The following POLR2B variants were observed in gnomAD, a reference collection of about 807,000 sequenced individuals.
POLR2B encodes the protein DNA-directed RNA polymerase II subunit RPB2.
POLR2B carries 57 observed loss-of-function variants against 144.6 expected under a neutral mutation model. That is an observed-to-expected ratio of 0.39 (90% confidence interval 0.32 to 0.49). The LOEUF is 0.49. POLR2B is among the 20% of genes least tolerant of loss of function. The probability of loss-of-function intolerance (pLI) is 0.83; values close to 1 mark genes in which losing one functional copy is unlikely to be tolerated. For synonymous variants in POLR2B, 442 were observed against 469.8 expected, an observed-to-expected ratio of 0.94 and a Z score of 0.77; for missense variants, 595 against 1,467.4, an observed-to-expected ratio of 0.41 and a Z score of 9.71.
intron 2 of POLR2B, 197 bp downstream of exon 2, chr4:56,986,623 G>T: frequency 2.3e-6 from 1 of 432,850 alleles, no homozygotes; most frequent in Non-Finnish European, 4.1e-6. Flanking sequence ...TTCCGAAAAT[G>T]TTACCCTGTA....
chr4:57,022,288 C>A, intron 18 of POLR2B, 42 bp downstream of exon 18: 2 of 1,291,270 alleles, frequency 1.5e-6, no homozygotes, highest in Non-Finnish European at 2.2e-6. Flanking sequence ...CCAAAGTTAA[C>A]TTACTGTGGT....
At chr4:57,013,717 C>G (rs1337232092) in intron 13 of POLR2B, among the ~76,000 whole-genome samples, 1 of 152,158 alleles carries the variant, frequency 6.6e-6, no homozygotes, top group Non-Finnish European at 1.5e-5. Flanking sequence ...GTTCATCACA[C>G]AGTGTGTATT....
chr4:57,013,537 A>ATTT (rs979801275), intron 13 of POLR2B, among the ~76,000 whole-genome samples: 1 of 111,616 alleles, frequency 9.0e-6, no homozygotes, highest in African/African-American at 3.3e-5. Flanking sequence ...GGTTGGCTGT[A>ATTT]TTTTTTTTTC....
intron 1 of POLR2B, among the ~76,000 whole-genome samples, chr4:56,981,562 A>T (rs1008857436): frequency 6.6e-6 from 1 of 152,238 alleles, no homozygotes; most frequent in Non-Finnish European, 1.5e-5. Flanking sequence ...AAAAGAGTTT[A>T]TCAGGGTTGC....
intron 17 of POLR2B, 101 bp downstream of exon 17, chr4:57,021,096 A>G (rs1052229599): frequency 2.8e-6 from 2 of 708,642 alleles, no homozygotes; most frequent in Non-Finnish European, 5.1e-6. Flanking sequence ...GCCGCACTCC[A>G]GAAAGTGGAA....
At chr4:56,999,452 G>A (rs560906213) in intron 6 of POLR2B, among the ~76,000 whole-genome samples, 165 bp from the exon 7 acceptor site, 9 of 151,890 alleles carry the variant, frequency 5.9e-5, no homozygotes, top group Admixed American at 3.9e-4. Flanking sequence ...TACTTGTTTC[G>A]GTGGTTTTGA....
chr4:56,979,537 C>G (rs1390998711), intron 1 of POLR2B, among the ~76,000 whole-genome samples: 1 of 152,136 alleles, frequency 6.6e-6, no homozygotes, highest in Non-Finnish European at 1.5e-5. Context: ...TGACTTTTAA[C>G]TTCCTCTTCT....
chr4:57,008,365 G>A (rs1364759226), intron 10 of POLR2B, among the ~76,000 whole-genome samples: 1 of 152,104 alleles, frequency 6.6e-6, no homozygotes, highest in Non-Finnish European at 1.5e-5. Flanking sequence ...ACCACGCCTG[G>A]CTAATTTTTT....
Position 56,978,998 on chromosome 4 carries a change from G to T in POLR2B, c.13G>T (p.Asp5Tyr). Reference protein sequence around the residue: MYDADEDMQYDEDDD... With the variant: MYDAYEDMQYDEDDD... ...ACCGTTTGGCAATATGTACGACGCGGATGAGGGTAGGTGAACGCTCAAAAC... is the reference window on the plus strand; with the variant it reads ...ACCGTTTGGCAATATGTACGACGCGTATGAGGGTAGGTGAACGCTCAAAAC... The change falls in exon 1 of 25, where the codon GAT becomes TAT. Residue 5 changes from aspartate (D) to tyrosine (Y), a missense_variant. Transcript: ENST00000314595. The T allele has an allele frequency of 1.2e-6, 2 of 1,613,860 alleles. No individual in the cohort carries two copies. The highest frequency in any genetic ancestry group is 1.1e-5 in the South Asian group (1 of 91,070).
chr4:56,997,474 C>A (rs1447326991), intron 6 of POLR2B, among the ~76,000 whole-genome samples: 1 of 152,192 alleles, frequency 6.6e-6, no homozygotes, highest in East Asian at 1.9e-4. Flanking sequence ...CTAGGCTGGT[C>A]TCGAACTCCT....
At chr4:57,030,468 A>T (rs1723881007) in intron 24 of POLR2B, 69 bp downstream of exon 24, 8 of 1,164,734 alleles carry the variant, frequency 6.9e-6, no homozygotes, top group Non-Finnish European at 9.8e-6. Flanking sequence ...TTATCCAGGC[A>T]GAATTAGTGT....
intron 23 of POLR2B, among the ~76,000 whole-genome samples, chr4:57,027,616 A>G (rs1723766381): frequency 6.6e-6 from 1 of 152,134 alleles, no homozygotes; most frequent in African/African-American, 2.4e-5. Flanking sequence ...TGGCCTGTGG[A>G]TATTTTTTTG....
intron 14 of POLR2B, among the ~76,000 whole-genome samples, chr4:57,016,796 A>T (rs987242492): frequency 1.3e-5 from 2 of 149,682 alleles, no homozygotes; most frequent in African/African-American, 4.9e-5. Flanking sequence ...ATATACTGGT[A>T]ACAGTTAGGT....
At chr4:57,026,655 C>T (rs568758975) in intron 23 of POLR2B, among the ~76,000 whole-genome samples, 3 of 152,002 alleles carry the variant, frequency 2.0e-5, no homozygotes, top group Admixed American at 6.5e-5. Flanking sequence ...CCCAGCTACT[C>T]GGGAGCCTGA....
intron 6 of POLR2B, among the ~76,000 whole-genome samples, chr4:56,997,413 C>T (rs1461158452): frequency 1.3e-5 from 2 of 152,092 alleles, no homozygotes; most frequent in Non-Finnish European, 2.9e-5. Context: ...TGCTCCACCA[C>T]ACCTGGCTAA....
chr4:57,005,596 A>T lies in POLR2B; in HGVS notation c.1098-4A>T, dbSNP rs200583773. On this transcript the variant is annotated splice_polypyrimidine_tract_variant and splice_region_variant and intron_variant, in intron 8 of 24. Coordinates refer to ENST00000314595, the MANE Select transcript of POLR2B (RefSeq NM_000938.3). ...TTTCTTTCTTTCTTTTTTTTTTTTT[A>T]AAGATACATGGTTCATAGGTTACTT... 2.4e-4 allele frequency: 310 copies of T among 1,286,486 alleles called. No individual in the cohort carries two copies. The highest frequency in any genetic ancestry group is 6.0e-4 in the South Asian group (36 of 59,712). 79.7% of individuals were successfully genotyped at this position (1,286,486 alleles called of 1,614,324 possible). A position where few individuals can be genotyped will look rare whatever the true frequency, so the allele number is the denominator to read the frequency against.
At chr4:57,011,644 G>A (rs1723191434) in intron 13 of POLR2B, among the ~76,000 whole-genome samples, 1 of 152,056 alleles carries the variant, frequency 6.6e-6, no homozygotes, top group Non-Finnish European at 1.5e-5. Context: ...CCAACATGGT[G>A]AAACCCTGTC....
intron 2 of POLR2B, among the ~76,000 whole-genome samples, chr4:56,988,826 G>A (rs1722415323): frequency 2.6e-5 from 4 of 152,174 alleles, no homozygotes; most frequent in Admixed American, 2.0e-4. Context: ...TGTGGAGTGT[G>A]CCTATATTCT....
rs375629156 is a variant in POLR2B at position 57,003,893 on chromosome 4, G to A, written c.901-1353G>A. Among the ~76,000 whole-genome samples the A allele has an allele frequency of 5.3e-5, 8 of 151,836 alleles. 1 individual carries two copies. The highest frequency in any genetic ancestry group is 1.4e-4 in the African/African-American group (6 of 41,434). On this transcript the variant is annotated intron_variant, in intron 7 of 24. Coordinates refer to ENST00000314595, the MANE Select transcript of POLR2B (RefSeq NM_000938.3). ...AGAAGAAGAAATAGTTGGGTGTGGT[G>A]GTGTTGTCTGTACTCCTCCTAGCTA...
Sources: allele counts gnomAD v4.1 joint callset (sites outside exome capture counted in the v4.1 genomes callset), GRCh38; gene constraint gnomAD v4.1.1; transcripts MANE v1.5; gene names NCBI Gene and HGNC (gene_info 2026-07-23, HGNC 2026-07-21).